WDR7: variants seen among roughly 807,000 people sequenced by gnomAD.
The protein encoded by WDR7 is WD repeat domain 7.
WDR7 carries 46 observed loss-of-function variants against 169.4 expected under a neutral mutation model. The observed-to-expected ratio is 0.27, with a 90% CI of 0.21 to 0.35. The LOEUF (loss-of-function observed/expected upper bound fraction) is 0.35. Among genes scored for constraint, WDR7 ranks in the 10% least tolerant of loss-of-function variants. The probability of loss-of-function intolerance (pLI) is 1.00; values close to 1 mark genes in which losing one functional copy is unlikely to be tolerated. For missense variants in WDR7, 1,534 were observed against 1,859.3 expected (o/e 0.83, Z 3.22); for synonymous variants, 612 against 666.8 (o/e 0.92, Z 1.27).
intron 20 of WDR7, among the ~76,000 whole-genome samples, chr18:56,861,914 TC>T (rs1233027052): frequency 6.6e-6 from 1 of 152,142 alleles, no homozygotes; most frequent in Non-Finnish European, 1.5e-5. Flanking sequence ...TTGGACTTTT[TC>T]AGTACTTTTA....
intron 12 of WDR7, among the ~76,000 whole-genome samples, chr18:56,717,645 A>AGTGT: frequency 6.6e-6 from 1 of 152,220 alleles, no homozygotes; most frequent in Non-Finnish European, 1.5e-5. Context: ...ACCTAATAAC[A>AGTGT]GATCAATTTT....
intron 20 of WDR7, among the ~76,000 whole-genome samples, chr18:56,856,740 C>CT (rs1251565512): frequency 1.3e-5 from 2 of 151,926 alleles, no homozygotes; most frequent in Non-Finnish European, 2.9e-5. Context: ...CCTAAAATGT[C>CT]TTTAAGAAAA....
chr18:56,917,126 G>C (rs1482204389), intron 21 of WDR7, among the ~76,000 whole-genome samples: 1 of 152,072 alleles, frequency 6.6e-6, no homozygotes, highest in African/African-American at 2.4e-5. Context: ...GAACCCGGGA[G>C]ACAGATGTTG....
At chr18:56,855,525 G>A (rs1219129082) in intron 20 of WDR7, among the ~76,000 whole-genome samples, 1 of 152,122 alleles carries the variant, frequency 6.6e-6, no homozygotes, top group Non-Finnish European at 1.5e-5. Context: ...CATAAAAGCT[G>A]TTAATCCACT....
At chr18:56,743,010 G>T (rs1459903424) in intron 14 of WDR7, among the ~76,000 whole-genome samples, 2 of 152,210 alleles carry the variant, frequency 1.3e-5, no homozygotes, top group African/African-American at 4.8e-5. Context: ...ATGTAAAACA[G>T]ATAATAGGTA....
chr18:56,920,639 A>G (rs1215955643), intron 21 of WDR7, among the ~76,000 whole-genome samples: 1 of 152,226 alleles, frequency 6.6e-6, no homozygotes, highest in African/African-American at 2.4e-5. Flanking sequence ...TGGTAGCATC[A>G]TTCCCCACCT....
chr18:56,799,955 T>C (rs72921094), intron 19 of WDR7, among the ~76,000 whole-genome samples: 17,776 of 152,236 alleles, frequency 0.12, 1,597 homozygotes, highest in African/African-American at 0.25. Flanking sequence ...CTGGTTTCCC[T>C]TGCTCACTGC....
chr18:56,803,038 G>A (rs950617488), intron 19 of WDR7, among the ~76,000 whole-genome samples: 9 of 151,666 alleles, frequency 5.9e-5, no homozygotes, highest in Admixed American at 2.6e-4. Flanking sequence ...TTAACTTACT[G>A]TCTGTACTTA....
At chr18:56,962,400 T>C (rs1156981081) in intron 25 of WDR7, 30 bp from the exon 26 acceptor site, 1 of 1,606,382 alleles carries the variant, frequency 6.2e-7, no homozygotes, top group South Asian at 1.1e-5. Flanking sequence ...CTTCTTGTTT[T>C]TGTTTTTGTT....
chr18:56,696,582 C>T (rs1218452240), intron 12 of WDR7, 120 bp downstream of exon 12: 2 of 892,232 alleles, frequency 2.2e-6, no homozygotes, highest in East Asian at 2.7e-5. Context: ...TTAAGAAAAC[C>T]CTTTCAATTT....
intron 26 of WDR7, among the ~76,000 whole-genome samples, chr18:56,988,590 A>AGTGTGTGT (rs71171009): frequency 0.04 from 5,655 of 142,586 alleles, 143 homozygotes; most frequent in East Asian, 0.11. Context: ...ATGGAAGGCA[A>AGTGTGTGT]GTGTGTGTGT....
At chr18:56,727,572 A>C (rs368207086) in intron 13 of WDR7, among the ~76,000 whole-genome samples, 5 of 152,226 alleles carry the variant, frequency 3.3e-5, no homozygotes, top group Non-Finnish European at 4.4e-5. Flanking sequence ...AAATCATCAG[A>C]TCTTGTGAGA....
At chr18:56,699,880 C>T (rs1267107298) in intron 12 of WDR7, 2 of 985,234 alleles carry the variant, frequency 2.0e-6, no homozygotes, top group Non-Finnish European at 2.4e-6. Context: ...AGACAGACTC[C>T]AGACCCCCTT....
At chr18:56,690,268 A>G (rs922750600) in intron 7 of WDR7, among the ~76,000 whole-genome samples, 4 of 152,148 alleles carry the variant, frequency 2.6e-5, no homozygotes, top group African/African-American at 9.7e-5. Context: ...GGTGATTCTC[A>G]GGGTCATATG....
At chr18:56,815,542 A>G (rs2044950393) in intron 19 of WDR7, among the ~76,000 whole-genome samples, 1 of 152,084 alleles carries the variant, frequency 6.6e-6, no homozygotes, top group African/African-American at 2.4e-5. Flanking sequence ...ATAGAGGGAG[A>G]TGTTATACTT....
chr18:56,679,346 A>G lies in WDR7; in HGVS notation c.174A>G (p.Ala58=). 1.2e-6 allele frequency: 2 copies of G among 1,610,242 alleles called. No individual in the cohort carries two copies. The highest frequency in any genetic ancestry group is 8.5e-7 in the Non-Finnish European group (1 of 1,177,004). The change falls in exon 3 of 28, where the codon GCA becomes GCG. Residue 58 remains alanine, a synonymous_variant. Coordinates refer to ENST00000254442, the MANE Select transcript of WDR7 (RefSeq NM_015285.3). ...LSVELQINPR[A]LLFGHTASIT... ...TGCATTTCTAGATTAATCCTCGAGC[A>G]CTGTTGTTTGGTCATACAGCATCAA...
intron 21 of WDR7, among the ~76,000 whole-genome samples, chr18:56,882,431 T>C (rs2046121707): frequency 6.6e-6 from 1 of 152,244 alleles, no homozygotes; most frequent in African/African-American, 2.4e-5. Flanking sequence ...AATTGCAAAA[T>C]ATATTTTCAC....
chr18:56,815,910 C>CA, intron 19 of WDR7, 121 bp from the exon 20 acceptor site: 1 of 755,046 alleles, frequency 1.3e-6, no homozygotes, highest in South Asian at 2.0e-5. Flanking sequence ...TTTTGGTGAA[C>CA]ATATATATTT....
intron 26 of WDR7, among the ~76,000 whole-genome samples, chr18:56,985,142 A>G (rs1004770954): frequency 6.6e-6 from 1 of 152,160 alleles, no homozygotes; most frequent in African/African-American, 2.4e-5. Flanking sequence ...TGTGGGGTAA[A>G]GTGTTGCAGC....
Sources: allele counts gnomAD v4.1 joint callset (sites outside exome capture counted in the v4.1 genomes callset), GRCh38; gene constraint gnomAD v4.1.1; transcripts MANE v1.5; gene names NCBI Gene and HGNC (gene_info 2026-07-23, HGNC 2026-07-21).